The following MAST4 variants were observed in gnomAD, a reference collection of about 807,000 sequenced individuals.
The protein encoded by MAST4 is microtubule associated serine/threonine kinase family member 4, also known as microtubule-associated serine/threonine-protein kinase 4.
In MAST4, 89 loss-of-function variants were observed where a neutral mutation model predicts 162.7. The observed-to-expected ratio is 0.55, with a 90% CI of 0.46 to 0.65. The LOEUF is 0.65. MAST4 is among the 30% of genes least tolerant of loss of function. MAST4 has a pLI of 0.00. For missense variants in MAST4, 3,153 were observed against 3,374.0 expected, an observed-to-expected ratio of 0.93 and a Z score of 1.62; for synonymous variants, 1,479 against 1,361.1, an observed-to-expected ratio of 1.09 and a Z score of -1.91.
intron 1 of MAST4, among the ~76,000 whole-genome samples, chr5:66,724,506 A>G (rs1751400756): frequency 6.6e-6 from 1 of 152,162 alleles, no homozygotes; most frequent in Admixed American, 6.5e-5. Context: ...TTCAAATAGT[A>G]TTATGGTCAT....
At chr5:66,848,284 TGTAA>T (rs1759037168) in intron 3 of MAST4, among the ~76,000 whole-genome samples, 1 of 152,168 alleles carries the variant, frequency 6.6e-6, no homozygotes, top group Non-Finnish European at 1.5e-5. Context: ...ATGCTTTATA[TGTAA>T]ATAATTTGTT....
chr5:66,670,709 G>T (rs934906422), intron 1 of MAST4, among the ~76,000 whole-genome samples: 1 of 151,284 alleles, frequency 6.6e-6, no homozygotes, highest in Non-Finnish European at 1.5e-5. Flanking sequence ...TTCCCAAGAA[G>T]ATGAAGGGCT....
intron 1 of MAST4, among the ~76,000 whole-genome samples, chr5:66,616,528 G>A (rs963939799): frequency 1.3e-5 from 2 of 152,182 alleles, no homozygotes; most frequent in East Asian, 1.9e-4. Flanking sequence ...CTTCCCAAGG[G>A]CCTTCTCAGA....
intron 6 of MAST4, chr5:67,093,742 C>T: frequency 2.6e-6 from 1 of 388,768 alleles, no homozygotes. Context: ...AGAGTTAATG[C>T]ATCACAAAAC....
intron 3 of MAST4, among the ~76,000 whole-genome samples, chr5:66,793,377 A>G (rs2149683606): frequency 6.6e-6 from 1 of 152,338 alleles, no homozygotes; most frequent in Middle Eastern, 3.4e-3. Flanking sequence ...GAAGAGGGGA[A>G]AACTCATTTT....
intron 10 of MAST4, among the ~76,000 whole-genome samples, chr5:67,109,495 A>G (rs977657110): frequency 6.6e-6 from 1 of 151,962 alleles, no homozygotes; most frequent in Non-Finnish European, 1.5e-5. Context: ...CTAAAATTTG[A>G]AAAAAAATCC....
At chr5:66,660,790 C>A (rs1746856869) in intron 1 of MAST4, among the ~76,000 whole-genome samples, 1 of 152,192 alleles carries the variant, frequency 6.6e-6, no homozygotes, top group South Asian at 2.1e-4. Flanking sequence ...TTGCTAATTA[C>A]TAAAATAAAA....
intron 1 of MAST4, among the ~76,000 whole-genome samples, chr5:66,649,372 G>A (rs538978219): frequency 6.5e-4 from 99 of 152,210 alleles, no homozygotes; most frequent in African/African-American, 2.1e-3. Flanking sequence ...GTGTCTCTCC[G>A]GTAAGTAGAT....
At chr5:66,906,555 C>T (rs1483615782) in intron 4 of MAST4, among the ~76,000 whole-genome samples, 1 of 152,166 alleles carries the variant, frequency 6.6e-6, no homozygotes, top group Non-Finnish European at 1.5e-5. Context: ...ACATCTACCA[C>T]ATGTCAAACA....
At chr5:66,620,935 C>G (rs1245534121) in intron 1 of MAST4, among the ~76,000 whole-genome samples, 1 of 152,120 alleles carries the variant, frequency 6.6e-6, no homozygotes, top group African/African-American at 2.4e-5. Flanking sequence ...GCAACTGTCC[C>G]CCCTAATTCA....
At chr5:66,672,324 C>A (rs1245131940) in intron 1 of MAST4, among the ~76,000 whole-genome samples, 7 of 152,142 alleles carry the variant, frequency 4.6e-5, no homozygotes, top group Non-Finnish European at 4.4e-5. Flanking sequence ...GTGAAATGTC[C>A]TTCCTTTTTC....
chr5:66,802,845 C>T (rs1050220201), intron 3 of MAST4, among the ~76,000 whole-genome samples: 1 of 152,160 alleles, frequency 6.6e-6, no homozygotes, highest in African/African-American at 2.4e-5. Context: ...CCTGACCCCT[C>T]TTAGAATGAC....
At chr5:67,026,607 C>T (rs1754677094) in intron 4 of MAST4, among the ~76,000 whole-genome samples, 5 of 152,068 alleles carry the variant, frequency 3.3e-5, no homozygotes, top group Admixed American at 3.3e-4. Context: ...AGTAATTTTT[C>T]CTCCTTTAGT....
chr5:66,808,137 G>A (rs527410808), intron 3 of MAST4, among the ~76,000 whole-genome samples: 59 of 152,326 alleles, frequency 3.9e-4, no homozygotes, highest in Non-Finnish European at 6.9e-4. Flanking sequence ...CCAAGTGGGA[G>A]ACATGAATCT....
chr5:66,986,385 G>T, intron 4 of MAST4: 1 of 1,185,162 alleles, frequency 8.4e-7, no homozygotes, highest in Non-Finnish European at 1.2e-6. Flanking sequence ...CTTTATTTTA[G>T]AAAGAAAATC....
chr5:66,832,254 G>A (rs890882918), intron 3 of MAST4, among the ~76,000 whole-genome samples: 13 of 151,794 alleles, frequency 8.6e-5, no homozygotes, highest in Admixed American at 3.3e-4. Flanking sequence ...AGACTCTCAC[G>A]TGCAGCTAGA....
At chr5:66,808,434 T>C (rs911196902) in intron 3 of MAST4, among the ~76,000 whole-genome samples, 2 of 152,228 alleles carry the variant, frequency 1.3e-5, no homozygotes, top group Non-Finnish European at 2.9e-5. Context: ...ATTAGGTTTT[T>C]TTTTGGTTCA....
intron 1 of MAST4, among the ~76,000 whole-genome samples, chr5:66,638,357 A>G (rs1745262040): frequency 6.6e-6 from 1 of 152,150 alleles, no homozygotes; most frequent in South Asian, 2.1e-4. Context: ...TGTGCTGGCA[A>G]TCTAAGTAAG....
intron 5 of MAST4, among the ~76,000 whole-genome samples, chr5:67,063,613 A>G (rs1418051875): frequency 6.7e-6 from 1 of 149,174 alleles, no homozygotes. Flanking sequence ...CATGTTAACA[A>G]AAGTGGTAGC....
Sources: gnomAD v4.1 joint callset for allele counts (sites outside exome capture counted in the v4.1 genomes callset) on GRCh38, gnomAD v4.1.1 for gene constraint, MANE v1.5 for transcripts, NCBI Gene and HGNC (gene_info 2026-07-23, HGNC 2026-07-21) for gene names.